BRAF: variants seen among roughly 807,000 people sequenced by gnomAD.
The protein encoded by BRAF is serine/threonine-protein kinase B-raf.
In BRAF, 16 loss-of-function variants were observed where a neutral mutation model predicts 104.6. That is an observed-to-expected ratio of 0.15 (90% CI 0.10 to 0.23). BRAF has a LOEUF of 0.23. BRAF is among the 10% of genes least tolerant of loss of function. The probability of loss-of-function intolerance (pLI) is 1.00; values close to 1 mark genes in which losing one functional copy is unlikely to be tolerated. For missense variants in BRAF, 541 were observed against 937.3 expected, an observed-to-expected ratio of 0.58 and a Z score of 5.52; for synonymous variants, 310 against 341.6, an observed-to-expected ratio of 0.91 and a Z score of 1.02.
At chr7:140,879,111 C>G (rs2129101463) in intron 1 of BRAF, among the ~76,000 whole-genome samples, 1 of 151,814 alleles carries the variant, frequency 6.6e-6, no homozygotes, top group South Asian at 2.1e-4. Context: ...CTCCTGACTT[C>G]AAGTGATCCA....
chr7:140,730,702 A>G (rs1043867036), intron 19 of BRAF: 1 of 151,746 alleles, frequency 6.6e-6, no homozygotes, highest in Non-Finnish European at 1.5e-5. Flanking sequence ...AATAGAGCAG[A>G]GAACAACTGG....
chr7:140,770,404 T>C (rs1799722248), intron 14 of BRAF, among the ~76,000 whole-genome samples: 1 of 151,956 alleles, frequency 6.6e-6, no homozygotes, highest in Non-Finnish European at 1.5e-5. Context: ...TTTGAGAATA[T>C]AATGCTTCTG....
intron 1 of BRAF, among the ~76,000 whole-genome samples, chr7:140,871,686 T>A (rs1811616056): frequency 6.6e-6 from 1 of 152,172 alleles, no homozygotes; most frequent in Non-Finnish European, 1.5e-5. Context: ...CCAAAAAGTA[T>A]AAGGATTCTT....
chr7:140,755,780 T>C (rs1252373454), intron 14 of BRAF, among the ~76,000 whole-genome samples: 1 of 151,626 alleles, frequency 6.6e-6, no homozygotes, highest in Non-Finnish European at 1.5e-5. Flanking sequence ...GATGGTGAGA[T>C]CTTGTCTCCA....
intron 14 of BRAF, chr7:140,773,420 G>A (rs1018099223): frequency 2.6e-5 from 4 of 152,210 alleles, no homozygotes; most frequent in African/African-American, 9.7e-5. Context: ...CATTTCGGAA[G>A]AGTAGGGTTT....
rs1325441950 is a variant in BRAF, at chr7:140,799,750, T to C, written c.980+612A>G. On this transcript the variant is annotated intron_variant, in intron 7 of 19. Transcript: ENST00000644969. ...TGAATACATTTATGTCCTCATCACA[T>C]ACTTCAATATACTCCATCATAAATT... 2.1e-5 allele frequency: 5 copies of C among 234,178 alleles called. No homozygotes were observed. In the East Asian group the frequency reaches 3.1e-4, roughly 14 times the overall value. The allele number at this position is 234,178 out of a possible 1,614,324, so 14.5% of individuals were successfully genotyped here.
intron 1 of BRAF, among the ~76,000 whole-genome samples, chr7:140,861,728 T>A (rs1042760778): frequency 2.6e-5 from 4 of 152,232 alleles, no homozygotes; most frequent in African/African-American, 9.6e-5. Context: ...GTGCTATATC[T>A]GTGTCTATAA....
At chr7:140,883,757 C>T (rs1003123081) in intron 1 of BRAF, among the ~76,000 whole-genome samples, 2 of 152,170 alleles carry the variant, frequency 1.3e-5, no homozygotes, top group African/African-American at 4.8e-5. Flanking sequence ...TATGTATGTG[C>T]TGTGTATATA....
At chr7:140,766,050 CA>C (rs558990895) in intron 14 of BRAF, among the ~76,000 whole-genome samples, 22 of 151,850 alleles carry the variant, frequency 1.4e-4, no homozygotes, top group Non-Finnish European at 2.4e-4. Flanking sequence ...GGAACCAACC[CA>C]AATGTCCAAC....
At chr7:140,718,014 G>A (rs903434198), downstream of BRAF, among the ~76,000 whole-genome samples, 5 of 152,128 alleles carry the variant, frequency 3.3e-5, no homozygotes, top group African/African-American at 1.2e-4. Flanking sequence ...TTGGGAGGAG[G>A]GGTGAAACCA....
At chr7:140,885,133 A>T (rs995011011) in intron 1 of BRAF, among the ~76,000 whole-genome samples, 1 of 151,922 alleles carries the variant, frequency 6.6e-6, no homozygotes, top group Non-Finnish European at 1.5e-5. Context: ...CCTTCCGATT[A>T]CAGGGACGGA....
At chr7:140,850,260 A>T (rs1809019873) in intron 1 of BRAF, 48 bp from the exon 2 acceptor site, 1 of 1,396,480 alleles carries the variant, frequency 7.2e-7, no homozygotes, top group East Asian at 2.4e-5. Flanking sequence ...TTAGTATATG[A>T]ATTAGAAATA....
intron 14 of BRAF, among the ~76,000 whole-genome samples, chr7:140,757,297 G>C (rs556122240): frequency 6.6e-6 from 1 of 151,842 alleles, no homozygotes; most frequent in African/African-American, 2.4e-5. Flanking sequence ...ACTTGACTAG[G>C]ATTTTTTTTT....
At chr7:140,713,608 T>C in the BRAF span, among the ~76,000 whole-genome samples, 1 of 152,200 alleles carries the variant, frequency 6.6e-6, no homozygotes, top group Non-Finnish European at 1.5e-5. Flanking sequence ...TCTCTCAACT[T>C]GTCAAAGTCA....
At chr7:140,913,012 C>G (rs190343519) in intron 1 of BRAF, among the ~76,000 whole-genome samples, 3 of 152,194 alleles carry the variant, frequency 2.0e-5, no homozygotes, top group Non-Finnish European at 2.9e-5. Flanking sequence ...GGCACATTCC[C>G]GACACAGAAT....
rs531576869 is a variant in BRAF, at chr7:140,883,000, T to G, written c.139-32788A>C. ...AAGAGCGAAACTCCATCTCAAAAAA[T>G]AAAATAAAATAAAGTAAATAAATAA... On this transcript the variant is annotated intron_variant, in intron 1 of 19. Transcript: ENST00000644969. Among the ~76,000 whole-genome samples, 16 of 147,752 alleles carry G rather than the reference T, an allele frequency of 1.1e-4. No homozygotes were observed. The South Asian group carries it at 1.5e-3, about 14-fold the overall frequency.
At chr7:140,876,373 C>G (rs868116679) in intron 1 of BRAF, among the ~76,000 whole-genome samples, 1 of 152,086 alleles carries the variant, frequency 6.6e-6, no homozygotes, top group Non-Finnish European at 1.5e-5. Context: ...AAAAGTTGTT[C>G]AAACAATCTA....
intron 18 of BRAF, 25 bp from the exon 18 acceptor site, chr7:140,734,795 A>AAC: frequency 1.7e-6 from 2 of 1,204,758 alleles, no homozygotes; most frequent in African/African-American, 2.3e-5. Flanking sequence ...AGAAAAAAAA[A>AAC]AGAAAAAAAA....
At chr7:140,781,783 A>AGG in intron 11 of BRAF, 90 bp from the exon 11 acceptor site, 1 of 1,025,096 alleles carries the variant, frequency 9.8e-7, no homozygotes, top group Non-Finnish European at 1.5e-6. Context: ...TATGCCTGAG[A>AGG]GGGATACAGG....
Sources: gnomAD v4.1 joint callset for allele counts (sites outside exome capture counted in the v4.1 genomes callset) on GRCh38, gnomAD v4.1.1 for gene constraint, MANE v1.5 for transcripts, NCBI Gene and HGNC (gene_info 2026-07-23, HGNC 2026-07-21) for gene names.